Variants in KYAT3 observed in about 807,000 individuals in gnomAD.
The protein encoded by KYAT3 is kynurenine aminotransferase 3.
In KYAT3, 50 loss-of-function variants were observed where a neutral mutation model predicts 59.0. That is an observed-to-expected ratio of 0.85 (90% CI 0.68 to 1.07). The LOEUF (loss-of-function observed/expected upper bound fraction) is 1.07, where lower values mean the gene tolerates loss of function less well. Ranked by LOEUF, KYAT3 falls within the 50% of genes least tolerant of loss-of-function variation. KYAT3 has a pLI of 0.00. For synonymous variants in KYAT3, 148 were observed against 177.0 expected, an observed-to-expected ratio of 0.84 and a Z score of 1.30; for missense variants, 497 against 533.3, an observed-to-expected ratio of 0.93 and a Z score of 0.67.
At position 88,943,114 on chromosome 1, in the gene KYAT3, T is replaced by C. The variant is rs41296147; in HGVS notation, c.1216-23A>G. 5,744 of 1,544,872 alleles carry C rather than the reference T, an allele frequency of 3.7e-3. 20 individuals are homozygous for C. Among genetic ancestry groups the C allele is most frequent in the Middle Eastern group, 8.1e-3 (48 of 5,898 alleles). ...TTTCTGAAAAATAAATAGAAACATA[T>C]AATAAGAAAACTACTTACACTTCAA... On this transcript the variant is annotated intron_variant, in intron 12 of 13. Transcript: ENST00000260508.
chr1:88,927,994 T>C, the KYAT3 span, among the ~76,000 whole-genome samples: 5 of 152,170 alleles, frequency 3.3e-5, no homozygotes, highest in Admixed American at 1.3e-4. Context: ...CAGTTCCCAC[T>C]GTAGACCTTC....
chr1:88,968,625 G>C (rs761135598), intron 4 of KYAT3, 45 bp downstream of exon 4: 2 of 1,451,736 alleles, frequency 1.4e-6, no homozygotes, highest in Admixed American at 2.6e-5. Flanking sequence ...ACACACCCCA[G>C]TATAAAATAA....
intron 13 of KYAT3, among the ~76,000 whole-genome samples, chr1:88,939,757 T>C (rs1675169284): frequency 6.6e-6 from 1 of 152,192 alleles, no homozygotes; most frequent in Admixed American, 6.5e-5. Context: ...TAGTGTTCTT[T>C]GTGGTGTTTC....
intron 13 of KYAT3, among the ~76,000 whole-genome samples, chr1:88,942,287 C>T (rs963146965): frequency 4.0e-5 from 6 of 151,196 alleles, no homozygotes; most frequent in Admixed American, 1.3e-4. Flanking sequence ...ATAGTTTGAA[C>T]CTCTCTGTTC....
chr1:88,964,803 T>A lies in KYAT3; in HGVS notation c.453+26A>T, dbSNP rs748033206. 6.0e-6 allele frequency: 9 copies of A among 1,504,030 alleles called. No homozygotes were observed. In the East Asian group the frequency reaches 1.8e-4, roughly 30 times the overall value. 93.2% of individuals were successfully genotyped at this position (1,504,030 alleles called of 1,614,324 possible). A position where few individuals can be genotyped will look rare whatever the true frequency, so the allele number is the denominator to read the frequency against. On this transcript the variant is annotated intron_variant, in intron 5 of 13. Transcript: ENST00000260508. Reference sequence around the variant, plus strand: ...ACAAATGATAATTGATTAATATGGGTATTACGATAATGTTAATATACTTAC... The same window carrying A: ...ACAAATGATAATTGATTAATATGGGAATTACGATAATGTTAATATACTTAC...
intron 5 of KYAT3, among the ~76,000 whole-genome samples, chr1:88,964,380 T>A (rs1218685055): frequency 6.6e-6 from 1 of 152,164 alleles, no homozygotes; most frequent in East Asian, 1.9e-4. Context: ...TGCCCTTATT[T>A]AAATAGGCTA....
At chr1:88,975,130 A>G (rs981353271) in intron 2 of KYAT3, among the ~76,000 whole-genome samples, 3 of 152,218 alleles carry the variant, frequency 2.0e-5, no homozygotes, top group Non-Finnish European at 4.4e-5. Context: ...CGAGACCACG[A>G]ACCCACTGGA....
chr1:88,926,068 A>T, the KYAT3 span, among the ~76,000 whole-genome samples: 1 of 152,228 alleles, frequency 6.6e-6, no homozygotes, highest in Non-Finnish European at 1.5e-5. Flanking sequence ...TTGCTAACAG[A>T]AGAAAGTAGA....
downstream of KYAT3, among the ~76,000 whole-genome samples, chr1:88,931,758 C>T (rs185275122): frequency 6.6e-6 from 1 of 151,896 alleles, no homozygotes; most frequent in South Asian, 2.1e-4. Context: ...CATCTTATCA[C>T]CTGAGAGCAC....
intron 2 of KYAT3, chr1:88,981,062 T>C (rs1677063381): frequency 6.6e-6 from 1 of 152,236 alleles, no homozygotes; most frequent in African/African-American, 2.4e-5. Context: ...CTATTGGCTC[T>C]AGTCTCCAAA....
the KYAT3 span, among the ~76,000 whole-genome samples, chr1:88,930,349 C>T: frequency 4.6e-5 from 7 of 152,202 alleles, no homozygotes; most frequent in Non-Finnish European, 8.8e-5. Context: ...GCCAGTGCTG[C>T]GACTGTGCAC....
At chr1:88,942,663 C>T (rs752915340) in intron 13 of KYAT3, among the ~76,000 whole-genome samples, 3 of 151,884 alleles carry the variant, frequency 2.0e-5, no homozygotes, top group African/African-American at 7.3e-5. Flanking sequence ...CGCGGGTTCA[C>T]GCCATTCTCC....
rs796419288 is a variant in KYAT3, at chr1:88,953,148, C to G, written c.869G>C (p.Gly290Ala). Residue 290 changes from glycine (G) to alanine (A), a missense_variant, in exon 10 of 14, where the codon GGC becomes GCC. Gly to Ala is a moderately conservative substitution (Grantham distance 60). Around this residue, in one of 2 missense-constraint regions of KYAT3, gnomAD observed 469 missense variants for 479.1 expected, o/e 0.98. Coordinates refer to ENST00000260508, the MANE Select transcript of KYAT3 (RefSeq NM_001008661.3). ...CAAATGATTTGGACCAATGGACCAG[C>G]CAAGCTGGGAAAGGAAAAGATAAAA... is the stretch of plus-strand genomic sequence containing the variant. ...KTFSVTGWKL[G>A]WSIGPNHLIK... 2 of 1,606,946 alleles carry G rather than the reference C, an allele frequency of 1.2e-6. No individual in the cohort carries two copies. The highest frequency in any genetic ancestry group is 2.2e-5 in the East Asian group (1 of 44,814).
Position 88,983,983 on chromosome 1 carries a change from T to C in KYAT3, c.99+4269A>G, listed in dbSNP as rs1677283374. 3.8e-6 allele frequency: 3 copies of C among 798,866 alleles called. No individual in the cohort carries two copies. In the East Asian group the frequency reaches 7.6e-5, roughly 20 times the overall value. 49.5% of individuals were successfully genotyped at this position (798,866 alleles called of 1,614,324 possible). Reference sequence around the variant, plus strand: ...GCACTACTGCGCAATCTGGATGCTTTTTAAGGTATGGCTATCCATTCAAAA... The same window carrying C: ...GCACTACTGCGCAATCTGGATGCTTCTTAAGGTATGGCTATCCATTCAAAA... On this transcript the variant is annotated intron_variant, in intron 2 of 13. Transcript: ENST00000260508.
chr1:88,982,934 C>G, intron 2 of KYAT3: 1 of 1,613,940 alleles, frequency 6.2e-7, no homozygotes, highest in Non-Finnish European at 8.5e-7. Context: ...CGGGGGCCCT[C>G]GTGTAAGTGG....
chr1:88,962,363 C>T (rs1676180934), intron 5 of KYAT3, among the ~76,000 whole-genome samples: 1 of 152,032 alleles, frequency 6.6e-6, no homozygotes, highest in Non-Finnish European at 1.5e-5. Context: ...TTAGGGAGAT[C>T]TATAAATAAG....
chr1:88,947,428 A>G (rs1675486691), intron 11 of KYAT3, among the ~76,000 whole-genome samples: 1 of 152,054 alleles, frequency 6.6e-6, no homozygotes, highest in Admixed American at 6.6e-5. Flanking sequence ...ACTGACCAAC[A>G]CACCGGAACC....
chr1:88,987,163 A>G (rs1004544564), intron 2 of KYAT3, among the ~76,000 whole-genome samples: 2 of 152,348 alleles, frequency 1.3e-5, no homozygotes, highest in East Asian at 3.9e-4. Context: ...TAGAATTAGA[A>G]TGCATAATGG....
intron 2 of KYAT3, among the ~76,000 whole-genome samples, chr1:88,987,934 T>C (rs1433538569): frequency 6.6e-6 from 1 of 152,196 alleles, no homozygotes. Flanking sequence ...CCTTTTTCGA[T>C]CCCTGAGCAG....
Sources: gnomAD v4.1 joint callset for allele counts (sites outside exome capture counted in the v4.1 genomes callset) on GRCh38, gnomAD v4.1.1 for gene constraint, gnomAD v4.1.1 regional missense constraint, MANE v1.5 for transcripts, NCBI Gene and HGNC (gene_info 2026-07-23, HGNC 2026-07-21) for gene names.